SNX7: variants seen among roughly 807,000 people sequenced by gnomAD.
SNX7 encodes sorting nexin-7.
In SNX7, 35 loss-of-function variants were observed where a neutral mutation model predicts 48.4. That is an observed-to-expected ratio of 0.72 (90% CI 0.55 to 0.96). The LOEUF (loss-of-function observed/expected upper bound fraction) is 0.96, where lower values mean the gene tolerates loss of function less well. SNX7 is among the 40% of genes least tolerant of loss of function. The pLI, the probability that SNX7 is intolerant of heterozygous loss-of-function variation, is 0.00. For missense variants in SNX7, 553 were observed against 548.9 expected (o/e 1.01, Z -0.07); for synonymous variants, 190 against 190.2 (o/e 1.00, Z 0.01).
At chr1:98,661,661 A>AGCCAATGGGC (rs1285971713), upstream of SNX7, 33 of 1,165,878 alleles carry the variant, frequency 2.8e-5, no homozygotes, top group Non-Finnish European at 3.2e-5. Flanking sequence ...GAGACGTGGG[A>AGCCAATGGGC]GCCAATGGGC....
chr1:98,715,524 A>G (rs1002271893), intron 7 of SNX7, among the ~76,000 whole-genome samples: 1 of 152,214 alleles, frequency 6.6e-6, no homozygotes, highest in African/African-American at 2.4e-5. Flanking sequence ...CCCATGCCTT[A>G]TCATACTTTA....
chr1:98,756,927 A>G (rs1194253879), intron 8 of SNX7, among the ~76,000 whole-genome samples: 1 of 152,030 alleles, frequency 6.6e-6, no homozygotes, highest in Non-Finnish European at 1.5e-5. Context: ...GGTGGAAGGT[A>G]TTTGGATCAT....
chr1:98,661,886 A>G lies in SNX7; in HGVS notation c.155A>G (p.Glu52Gly), dbSNP rs1649244952. The change falls in exon 1 of 9, where the codon GAG becomes GGG. Residue 52 changes from glutamate (E) to glycine (G), a missense_variant. Glu to Gly is a moderately conservative substitution (Grantham distance 98). Transcript: ENST00000306121. ...GAGGTGCTGGATCTGGACGAGGACGAGGACGACCTGGAGGTGTTCAGCAAG... is the reference window on the plus strand; with the variant it reads ...GAGGTGCTGGATCTGGACGAGGACGGGGACGACCTGGAGGTGTTCAGCAAG... ...QAEVLDLDED[E>G]DDLEVFSKDA... is the part of the protein sequence containing the mutation. 3 of 1,247,140 alleles carry G rather than the reference A, an allele frequency of 2.4e-6. No individual in the cohort carries two copies. Among genetic ancestry groups the G allele is most frequent in the Non-Finnish European group, 2.0e-6 (2 of 987,404 alleles). 77.3% of individuals were successfully genotyped at this position (1,247,140 alleles called of 1,614,324 possible).
chr1:98,747,943 A>G (rs554623643), intron 8 of SNX7, among the ~76,000 whole-genome samples: 1 of 150,148 alleles, frequency 6.7e-6, no homozygotes, highest in Non-Finnish European at 1.5e-5. Flanking sequence ...TATGTGTCGT[A>G]TAAGTCTTAA....
intron 1 of SNX7, among the ~76,000 whole-genome samples, chr1:98,684,400 C>G (rs1650667954): frequency 6.6e-6 from 1 of 152,070 alleles, no homozygotes; most frequent in East Asian, 1.9e-4. Context: ...CAGTTTTGGC[C>G]TCTGGCAAGG....
chr1:98,695,815 G>A (rs909026500), intron 5 of SNX7, 99 bp downstream of exon 5: 36 of 879,020 alleles, frequency 4.1e-5, no homozygotes, highest in Non-Finnish European at 6.3e-5. Flanking sequence ...TAGAATGTCA[G>A]CTTCAAAGTG....
intron 7 of SNX7, among the ~76,000 whole-genome samples, chr1:98,719,546 C>T (rs1251716827): frequency 6.6e-6 from 1 of 152,140 alleles, no homozygotes; most frequent in East Asian, 1.9e-4. Flanking sequence ...TATATTTTCT[C>T]TATTAATTCT....
intron 4 of SNX7, among the ~76,000 whole-genome samples, chr1:98,693,561 A>G (rs564910347): frequency 6.6e-6 from 1 of 152,344 alleles, no homozygotes; most frequent in East Asian, 1.9e-4. Flanking sequence ...CAACAGTTTC[A>G]GTAACAGCTT....
chr1:98,748,199 T>A (rs886268372), intron 8 of SNX7, among the ~76,000 whole-genome samples: 2 of 152,030 alleles, frequency 1.3e-5, no homozygotes, highest in African/African-American at 4.8e-5. Flanking sequence ...TTGGCCAGGC[T>A]GGTCTCAAAC....
chr1:98,685,211 A>G lies in SNX7; in HGVS notation c.363+144A>G, dbSNP rs1570511149. The stretch of plus-strand genomic sequence containing the variant: ...CTTTTTCAAACCTTTTGGCTAACAC[A>G]TTGCTTCTTATCTGCCCTTCACTTG... On this transcript the variant is annotated intron_variant, in intron 2 of 8. Coordinates refer to ENST00000306121, the MANE Select transcript of SNX7 (RefSeq NM_015976.5). 6 of 453,968 alleles carry G rather than the reference A, an allele frequency of 1.3e-5. No homozygotes were observed. The East Asian group carries it at 2.1e-4, about 16-fold the overall frequency. 28.1% of individuals were successfully genotyped at this position (453,968 alleles called of 1,614,324 possible).
intron 1 of SNX7, among the ~76,000 whole-genome samples, chr1:98,677,869 C>T (rs575469230): frequency 9.2e-5 from 10 of 108,690 alleles, no homozygotes; most frequent in East Asian, 5.3e-4. Flanking sequence ...CAGAGCGAGA[C>T]GCTGTCTCAA....
At chr1:98,670,844 C>T (rs1649817750) in intron 1 of SNX7, among the ~76,000 whole-genome samples, 1 of 150,320 alleles carries the variant, frequency 6.7e-6, no homozygotes, top group Non-Finnish European at 1.5e-5. Flanking sequence ...AAGAGAGCTA[C>T]AGCTCTTTTA....
intron 4 of SNX7, among the ~76,000 whole-genome samples, chr1:98,694,198 G>A (rs992737851): frequency 3.3e-5 from 5 of 151,050 alleles, no homozygotes; most frequent in South Asian, 2.1e-4. Flanking sequence ...GTGAAACCCC[G>A]TCTCTACTAA....
At chr1:98,712,816 G>T (rs1357427409) in intron 7 of SNX7, among the ~76,000 whole-genome samples, 1 of 151,980 alleles carries the variant, frequency 6.6e-6, no homozygotes, top group Admixed American at 6.6e-5. Context: ...TGTCAGCTGG[G>T]CACAGTGGCT....
chr1:98,683,785 A>G (rs1053875714), intron 1 of SNX7, among the ~76,000 whole-genome samples: 4 of 152,134 alleles, frequency 2.6e-5, no homozygotes, highest in African/African-American at 7.2e-5. Flanking sequence ...CTTCCTGCCA[A>G]CGTTCTTGGG....
chr1:98,696,730 CT>C (rs201365874), intron 5 of SNX7, among the ~76,000 whole-genome samples: 17 of 147,334 alleles, frequency 1.2e-4, no homozygotes, highest in South Asian at 2.2e-4. Flanking sequence ...TATTATTTGT[CT>C]TTTTTTTTTA....
chr1:98,725,902 G>T (rs966485815), intron 7 of SNX7, among the ~76,000 whole-genome samples: 1 of 152,068 alleles, frequency 6.6e-6, no homozygotes, highest in Non-Finnish European at 1.5e-5. Flanking sequence ...ACATTTCATT[G>T]TTCAGTTCAC....
At chr1:98,700,986 T>G (rs1651719809) in intron 6 of SNX7, among the ~76,000 whole-genome samples, 1 of 152,198 alleles carries the variant, frequency 6.6e-6, no homozygotes. Flanking sequence ...TTTGTGCTTC[T>G]TATTAGAATT....
At chr1:98,703,146 A>G (rs1212319593) in intron 7 of SNX7, among the ~76,000 whole-genome samples, 2 of 152,082 alleles carry the variant, frequency 1.3e-5, no homozygotes, top group African/African-American at 4.8e-5. Context: ...GCCCTTGTGC[A>G]CTGCCTGGCA....
Sources: allele counts gnomAD v4.1 joint callset (sites outside exome capture counted in the v4.1 genomes callset), GRCh38; gene constraint gnomAD v4.1.1; transcripts MANE v1.5; gene names NCBI Gene and HGNC (gene_info 2026-07-23, HGNC 2026-07-21).